DRC8: variants seen among roughly 807,000 people sequenced by gnomAD.
DRC8 encodes dynein regulatory complex subunit 8, also known as dynein regulatory complex protein 8.
the DRC8 span, among the ~76,000 whole-genome samples, chr1:245,029,419 TC>T: frequency 6.6e-6 from 1 of 152,128 alleles, no homozygotes; most frequent in East Asian, 1.9e-4. Context: ...TGCCTCAGCC[TC>T]CCAAGTAGCT....
the DRC8 span, among the ~76,000 whole-genome samples, chr1:245,063,940 C>T: frequency 2.6e-5 from 4 of 152,146 alleles, no homozygotes; most frequent in African/African-American, 7.2e-5. Context: ...CCAGGCTGGT[C>T]TCGAACTCCT....
chr1:244,978,184 A>T, the DRC8 span, among the ~76,000 whole-genome samples: 1 of 151,976 alleles, frequency 6.6e-6, no homozygotes, highest in Non-Finnish European at 1.5e-5. Flanking sequence ...TTTAGTTTTT[A>T]TTTTTATTTT....
chr1:245,072,083 A>G, the DRC8 span, among the ~76,000 whole-genome samples: 1 of 152,214 alleles, frequency 6.6e-6, no homozygotes, highest in Non-Finnish European at 1.5e-5. Context: ...TATTTATGCA[A>G]AGGAATTGAA....
the DRC8 span, among the ~76,000 whole-genome samples, chr1:245,029,080 G>A: frequency 6.6e-6 from 1 of 152,192 alleles, no homozygotes; most frequent in African/African-American, 2.4e-5. Context: ...TTAATGTATT[G>A]GAGGACATCA....
the DRC8 span, among the ~76,000 whole-genome samples, chr1:245,090,314 G>C: frequency 1.3e-5 from 2 of 152,210 alleles, no homozygotes; most frequent in Non-Finnish European, 2.9e-5. Flanking sequence ...GCAAGGGGTG[G>C]TCTTTCCTGC....
At chr1:245,020,529 T>A in the DRC8 span, among the ~76,000 whole-genome samples, 20 of 151,964 alleles carry the variant, frequency 1.3e-4, no homozygotes, top group African/African-American at 4.6e-4. Context: ...TGTGAAGTCA[T>A]AACTATTTTC....
the DRC8 span, among the ~76,000 whole-genome samples, chr1:245,090,527 C>T: frequency 6.6e-6 from 1 of 152,194 alleles, no homozygotes; most frequent in Non-Finnish European, 1.5e-5. Flanking sequence ...ATCCACCCAT[C>T]GGTGCAGGTG....
the DRC8 span, among the ~76,000 whole-genome samples, chr1:244,979,541 A>G: frequency 1.3e-5 from 2 of 151,036 alleles, no homozygotes; most frequent in Non-Finnish European, 3.0e-5. Flanking sequence ...CCTGACCTCA[A>G]ATGATCCGCC....
the DRC8 span, chr1:245,122,241 T>C: frequency 5.3e-6 from 1 of 189,150 alleles, no homozygotes; most frequent in African/African-American, 2.4e-5. Context: ...TATCTTGCTT[T>C]GTCTAGCTGT....
chr1:245,118,218 G>A, the DRC8 span, among the ~76,000 whole-genome samples: 1 of 152,082 alleles, frequency 6.6e-6, no homozygotes, highest in Non-Finnish European at 1.5e-5. Context: ...AGCAAACCCT[G>A]GCCCTAGGGT....
chr1:245,058,897 A>G, the DRC8 span, among the ~76,000 whole-genome samples: 3 of 152,204 alleles, frequency 2.0e-5, no homozygotes, highest in South Asian at 2.1e-4. Flanking sequence ...CCTACCAGGT[A>G]GGCTTATGCA....
chr1:244,983,559 G>A, the DRC8 span, among the ~76,000 whole-genome samples: 1 of 151,918 alleles, frequency 6.6e-6, no homozygotes, highest in African/African-American at 2.4e-5. Context: ...GGCCATCATG[G>A]TGAAACCCTG....
At chr1:245,117,843 C>T in the DRC8 span, among the ~76,000 whole-genome samples, 1 of 151,996 alleles carries the variant, frequency 6.6e-6, no homozygotes, top group Non-Finnish European at 1.5e-5. Context: ...GTGGTGTGCA[C>T]CTGTAGTCCC....
the DRC8 span, among the ~76,000 whole-genome samples, chr1:244,993,506 A>G: frequency 1.3e-5 from 2 of 152,234 alleles, no homozygotes; most frequent in Non-Finnish European, 2.9e-5. Flanking sequence ...TGTGAACTAG[A>G]GAGATGTTAC....
At chr1:245,003,856 A>T in the DRC8 span, among the ~76,000 whole-genome samples, 1 of 152,036 alleles carries the variant, frequency 6.6e-6, no homozygotes, top group African/African-American at 2.4e-5. Context: ...CTCCCCCCTC[A>T]GCCTCCCAAA....
the DRC8 span, among the ~76,000 whole-genome samples, chr1:244,971,303 T>A: frequency 4.0e-5 from 6 of 151,886 alleles, no homozygotes; most frequent in Non-Finnish European, 8.8e-5. Context: ...CGGCCGGGCC[T>A]CTCCCAGGGG....
the DRC8 span, chr1:244,970,104 G>A: frequency 1.5e-6 from 1 of 673,184 alleles, no homozygotes; most frequent in South Asian, 1.6e-5. Flanking sequence ...AGGGGTTGGG[G>A]ACCGTGTGAT....
At chr1:245,053,329 G>A in the DRC8 span, among the ~76,000 whole-genome samples, 1 of 152,210 alleles carries the variant, frequency 6.6e-6, no homozygotes, top group Non-Finnish European at 1.5e-5. Flanking sequence ...TGCAGTCTCT[G>A]GGGGAAACTG....
the DRC8 span, among the ~76,000 whole-genome samples, chr1:245,063,288 G>A: frequency 6.6e-6 from 1 of 152,242 alleles, no homozygotes; most frequent in South Asian, 2.1e-4. Context: ...CCTTGCCAGA[G>A]TGTTAAGTCT....
Sources: allele counts gnomAD v4.1 joint callset (sites outside exome capture counted in the v4.1 genomes callset), GRCh38; gene constraint gnomAD v4.1.1; transcripts MANE v1.5; gene names NCBI Gene and HGNC (gene_info 2026-07-23, HGNC 2026-07-21).